NYAP2: variants seen among roughly 807,000 people sequenced by gnomAD.
The protein encoded by NYAP2 is neuronal tyrosine-phosphorylated phosphoinositide-3-kinase adapter 2.
NYAP2 carries 23 observed loss-of-function variants against 50.4 expected under a neutral mutation model. That is an observed-to-expected ratio of 0.46 (90% CI 0.33 to 0.65). NYAP2 has a LOEUF of 0.65. NYAP2 is among the 30% of genes least tolerant of loss of function. The pLI, the probability that NYAP2 is intolerant of heterozygous loss-of-function variation, is 0.02. For synonymous variants in NYAP2, 394 were observed against 365.2 expected, an observed-to-expected ratio of 1.08 and a Z score of -0.90; for missense variants, 885 against 861.0, an observed-to-expected ratio of 1.03 and a Z score of -0.35.
chr2:225,616,634 G>T (rs1176648857), intron 5 of NYAP2, among the ~76,000 whole-genome samples: 1 of 152,200 alleles, frequency 6.6e-6, no homozygotes, highest in Non-Finnish European at 1.5e-5. Context: ...CGTGAGCTCT[G>T]TAAGAGCTTT....
chr2:225,421,870 G>A (rs1695220280), intron 3 of NYAP2, among the ~76,000 whole-genome samples: 1 of 152,184 alleles, frequency 6.6e-6, no homozygotes. Flanking sequence ...GAAATCCCAT[G>A]ACACTTTACA....
At chr2:225,530,233 A>G (rs762348660) in intron 4 of NYAP2, among the ~76,000 whole-genome samples, 16 of 152,204 alleles carry the variant, frequency 1.1e-4, no homozygotes, top group Non-Finnish European at 2.4e-4. Context: ...CAATGAAATT[A>G]ACTCATTTGA....
intron 3 of NYAP2, among the ~76,000 whole-genome samples, chr2:225,479,334 T>C (rs1451746041): frequency 6.6e-6 from 1 of 152,182 alleles, no homozygotes; most frequent in Non-Finnish European, 1.5e-5. Flanking sequence ...ATTTAAAATA[T>C]AAGTTGTCCT....
chr2:225,571,099 C>G (rs1692063564), intron 4 of NYAP2, among the ~76,000 whole-genome samples: 1 of 152,222 alleles, frequency 6.6e-6, no homozygotes, highest in African/African-American at 2.4e-5. Flanking sequence ...CATGCTGATG[C>G]AAGAATTGGG....
In NYAP2 at chr2:225,500,805, A is replaced by G. The variant is rs13428843; in HGVS notation, c.222-12566A>G. On this transcript the variant is annotated intron_variant, in intron 3 of 6. Coordinates refer to ENST00000636099, the Ensembl canonical transcript of NYAP2. ...ATAGATGGCAATATACCTGGGAAGT[A>G]CAGGTTTCAAGAAAACTCATTTTTC... Among the ~76,000 whole-genome samples, 511 of 152,346 alleles carry G rather than the reference A, an allele frequency of 3.4e-3. 1 individual carries two copies. Among genetic ancestry groups the G allele is most frequent in the Non-Finnish European group, 5.8e-3 (392 of 68,024 alleles).
intron 4 of NYAP2, among the ~76,000 whole-genome samples, chr2:225,573,251 T>G (rs925270184): frequency 1.9e-5 from 1 of 52,036 alleles, no homozygotes; most frequent in African/African-American, 3.0e-4. Flanking sequence ...TTATTATTTC[T>G]TTTTTTTTTT....
chr2:225,437,828 G>A (rs935136085), intron 3 of NYAP2, among the ~76,000 whole-genome samples: 1 of 152,256 alleles, frequency 6.6e-6, no homozygotes, highest in East Asian at 1.9e-4. Flanking sequence ...AGCCCCATCT[G>A]ACTCCATAGT....
At chr2:225,419,775 T>C (rs1446219527) in intron 3 of NYAP2, among the ~76,000 whole-genome samples, 1 of 152,202 alleles carries the variant, frequency 6.6e-6, no homozygotes, top group South Asian at 2.1e-4. Flanking sequence ...TTAATGTGAC[T>C]ATCTCAATAA....
intron 5 of NYAP2, among the ~76,000 whole-genome samples, chr2:225,609,972 G>A (rs184349082): frequency 9.9e-5 from 15 of 152,120 alleles, no homozygotes; most frequent in Non-Finnish European, 8.8e-5. Flanking sequence ...GGTGTTACTG[G>A]GTAAGTCATA....
chr2:225,559,639 T>G (rs1197102978), intron 4 of NYAP2, among the ~76,000 whole-genome samples: 1 of 152,080 alleles, frequency 6.6e-6, no homozygotes, highest in Non-Finnish European at 1.5e-5. Context: ...GGAGAAGTCA[T>G]TATGTATCAA....
chr2:225,666,973 G>A, the NYAP2 span, among the ~76,000 whole-genome samples: 1 of 151,898 alleles, frequency 6.6e-6, no homozygotes, highest in Non-Finnish European at 1.5e-5. Flanking sequence ...TGTTATGCCA[G>A]GGTCAGATTG....
intron 4 of NYAP2, among the ~76,000 whole-genome samples, chr2:225,556,888 AT>A (rs971437309): frequency 2.0e-5 from 3 of 152,216 alleles, no homozygotes; most frequent in Non-Finnish European, 4.4e-5. Flanking sequence ...TCAGAAGAAT[AT>A]AATGGCTAAT....
intron 3 of NYAP2, 53 bp downstream of exon 3, chr2:225,409,154 G>C: frequency 7.6e-7 from 1 of 1,323,894 alleles, no homozygotes; most frequent in Non-Finnish European, 1.0e-6. Context: ...AAGTCCATGA[G>C]GGCTGCTAAA....
chr2:225,601,952 A>G lies in NYAP2; in HGVS notation c.1618+18917A>G, dbSNP rs1310248894. 3.3e-5 allele frequency among the ~76,000 whole-genome samples: 5 copies of G among 152,172 alleles called. No homozygotes were observed. The East Asian group carries it at 9.6e-4, about 29-fold the overall frequency. ...GTTATATTCAAGAAGTTATTGTCAA[A>G]TCCAAATGCAGTCTTGTTGTCTGAG... is the stretch of plus-strand genomic sequence containing the variant. On this transcript the variant is annotated intron_variant, in intron 5 of 6. Coordinates refer to ENST00000636099, the Ensembl canonical transcript of NYAP2.
At chr2:225,467,989 A>T (rs1359658803) in intron 3 of NYAP2, among the ~76,000 whole-genome samples, 1 of 152,184 alleles carries the variant, frequency 6.6e-6, no homozygotes, top group Non-Finnish European at 1.5e-5. Context: ...AAAAGGGTGA[A>T]CTGGAGAAAC....
At chr2:225,532,205 G>A (rs1381068510) in intron 4 of NYAP2, among the ~76,000 whole-genome samples, 2 of 151,800 alleles carry the variant, frequency 1.3e-5, no homozygotes, top group East Asian at 3.9e-4. Context: ...TTTCCATTAT[G>A]TAGGGATCCA....
the NYAP2 span, among the ~76,000 whole-genome samples, chr2:225,692,979 T>A: frequency 1.3e-5 from 2 of 152,070 alleles, no homozygotes; most frequent in African/African-American, 4.8e-5. Context: ...CCAAAGAGTG[T>A]ATAGTGGGTT....
At chr2:225,634,194 T>C (rs889248562) in intron 6 of NYAP2, among the ~76,000 whole-genome samples, 4 of 152,196 alleles carry the variant, frequency 2.6e-5, no homozygotes, top group Non-Finnish European at 5.9e-5. Context: ...GCCTAATCCT[T>C]CATAGCACCC....
At chr2:225,423,521 A>C (rs1695244931) in intron 3 of NYAP2, among the ~76,000 whole-genome samples, 1 of 152,314 alleles carries the variant, frequency 6.6e-6, no homozygotes, top group Non-Finnish European at 1.5e-5. Flanking sequence ...TGTATGAACT[A>C]TTCTAGGAAC....
Sources: allele counts gnomAD v4.1 joint callset (sites outside exome capture counted in the v4.1 genomes callset), GRCh38; gene constraint gnomAD v4.1.1; transcripts MANE v1.5; gene names NCBI Gene and HGNC (gene_info 2026-07-23, HGNC 2026-07-21).